Variants in COX7B2 observed in about 807,000 individuals in gnomAD.
COX7B2 encodes cytochrome c oxidase subunit 7B2.
For missense variants in COX7B2, 109 were observed against 95.9 expected, an observed-to-expected ratio of 1.14 and a Z score of -0.57; for synonymous variants, 37 against 32.1, an observed-to-expected ratio of 1.15 and a Z score of -0.51.
intron 2 of COX7B2, among the ~76,000 whole-genome samples, chr4:46,780,238 C>G (rs1000963620): frequency 6.6e-6 from 1 of 152,118 alleles, no homozygotes; most frequent in Admixed American, 6.5e-5. Context: ...CCCTGCTGGC[C>G]GGGCACGGTG....
chr4:46,840,231 C>A (rs1275037910), intron 2 of COX7B2, among the ~76,000 whole-genome samples: 1 of 151,978 alleles, frequency 6.6e-6, no homozygotes, highest in Non-Finnish European at 1.5e-5. Flanking sequence ...AGGCAAAAAT[C>A]TGTATCAATA....
At chr4:46,887,600 A>AGTGCAATCTTGG (rs1719154031) in intron 1 of COX7B2, among the ~76,000 whole-genome samples, 1 of 150,806 alleles carries the variant, frequency 6.6e-6, no homozygotes, top group African/African-American at 2.4e-5. Context: ...AGTCCCAGCT[A>AGTGCAATCTTGG]CTCGGGAGGC....
At chr4:46,850,187 GATTTA>G (rs1397843174) in intron 1 of COX7B2, among the ~76,000 whole-genome samples, 1 of 148,382 alleles carries the variant, frequency 6.7e-6, no homozygotes, top group African/African-American at 2.6e-5. Context: ...AATTTAAAAT[GATTTA>G]ATTTTAAATA....
At chr4:46,767,873 A>G (rs1316974028) in intron 2 of COX7B2, among the ~76,000 whole-genome samples, 3 of 152,258 alleles carry the variant, frequency 2.0e-5, no homozygotes, top group Non-Finnish European at 1.5e-5. Context: ...GAGGTGGGAT[A>G]GTTCCCTTGA....
intron 2 of COX7B2, among the ~76,000 whole-genome samples, chr4:46,760,344 T>C (rs1476696906): frequency 6.6e-6 from 1 of 152,166 alleles, no homozygotes; most frequent in Non-Finnish European, 1.5e-5. Flanking sequence ...AAAGAAAATG[T>C]GGCACATATA....
At chr4:46,785,726 G>T (rs1204180575) in intron 2 of COX7B2, among the ~76,000 whole-genome samples, 2 of 151,966 alleles carry the variant, frequency 1.3e-5, no homozygotes, top group African/African-American at 4.8e-5. Context: ...AAGAAAGCCT[G>T]GGTGGACAGG....
intron 1 of COX7B2, among the ~76,000 whole-genome samples, chr4:46,881,450 C>G (rs545411148): frequency 6.6e-6 from 1 of 152,230 alleles, no homozygotes; most frequent in East Asian, 1.9e-4. Context: ...TCTCAGTGAG[C>G]AGAGGGGTGA....
intron 2 of COX7B2, among the ~76,000 whole-genome samples, chr4:46,778,284 G>A (rs1717265051): frequency 6.6e-6 from 1 of 151,936 alleles, no homozygotes; most frequent in South Asian, 2.1e-4. Context: ...TTCTCCCAAA[G>A]GTAGTTAACC....
At chr4:46,817,530 C>T (rs1719616876) in intron 2 of COX7B2, among the ~76,000 whole-genome samples, 2 of 152,170 alleles carry the variant, frequency 1.3e-5, no homozygotes, top group Admixed American at 1.3e-4. Flanking sequence ...TTTTCTGACA[C>T]CCTTTAATTG....
intron 1 of COX7B2, among the ~76,000 whole-genome samples, chr4:46,898,343 C>A (rs950813634): frequency 1.4e-4 from 21 of 152,130 alleles, no homozygotes; most frequent in Non-Finnish European, 2.6e-4. Context: ...ATATTAGATG[C>A]TCTTATCATT....
At chr4:46,901,134 T>C (rs1720047066) in intron 1 of COX7B2, among the ~76,000 whole-genome samples, 1 of 152,220 alleles carries the variant, frequency 6.6e-6, no homozygotes, top group Non-Finnish European at 1.5e-5. Context: ...ATATGTAACA[T>C]TGAGGTATGA....
intron 2 of COX7B2, among the ~76,000 whole-genome samples, chr4:46,764,313 G>A (rs1716393774): frequency 6.7e-6 from 1 of 148,742 alleles, no homozygotes; most frequent in South Asian, 2.1e-4. Flanking sequence ...GGGAGGCTGA[G>A]GCGGGTGGAT....
chr4:46,844,781 CTT>C (rs143019312), intron 2 of COX7B2, among the ~76,000 whole-genome samples, 177 bp downstream of exon 2: 1,680 of 152,008 alleles, frequency 0.011, 20 homozygotes, highest in Middle Eastern at 0.041. Context: ...ACATCTGTCT[CTT>C]TGTGTAGTTG....
intron 1 of COX7B2, among the ~76,000 whole-genome samples, chr4:46,902,774 G>A (rs1720145655): frequency 6.6e-6 from 1 of 152,204 alleles, no homozygotes; most frequent in East Asian, 1.9e-4. Flanking sequence ...CTACTCGGGA[G>A]GCTGAGGCAC....
At chr4:46,796,184 C>G (rs1226488922) in intron 2 of COX7B2, among the ~76,000 whole-genome samples, 2 of 140,806 alleles carry the variant, frequency 1.4e-5, no homozygotes, top group African/African-American at 5.8e-5. Flanking sequence ...TAATTGAATA[C>G]CCTTTATTTC....
chr4:46,790,682 AGTAT>A (rs1279329265), intron 2 of COX7B2, among the ~76,000 whole-genome samples: 6 of 152,168 alleles, frequency 3.9e-5, no homozygotes, highest in African/African-American at 1.4e-4. Context: ...CCTGGACTTT[AGTAT>A]TCCTGCGGCA....
intron 1 of COX7B2, among the ~76,000 whole-genome samples, chr4:46,845,225 C>T (rs114693891): frequency 1.9e-3 from 283 of 152,046 alleles, no homozygotes; most frequent in Non-Finnish European, 3.4e-3. Flanking sequence ...GGCCTAGCTA[C>T]CTGTTTTCCA....
intron 2 of COX7B2, among the ~76,000 whole-genome samples, chr4:46,812,364 A>G (rs1363626234): frequency 1.3e-5 from 1 of 74,628 alleles, no homozygotes; most frequent in Non-Finnish European, 2.6e-5. Context: ...GGATCTGAAT[A>G]AAAATTAAAA....
chr4:46,884,203 G>A (rs191223082), intron 1 of COX7B2, among the ~76,000 whole-genome samples: 171 of 152,150 alleles, frequency 1.1e-3, no homozygotes, highest in African/African-American at 4.0e-3. Context: ...GTGTTTGTTT[G>A]TTTTAGAAGC....
Sources: allele counts gnomAD v4.1 joint callset (sites outside exome capture counted in the v4.1 genomes callset), GRCh38; gene constraint gnomAD v4.1.1; transcripts MANE v1.5; gene names NCBI Gene and HGNC (gene_info 2026-07-23, HGNC 2026-07-21).